Variants in PPP1R12A observed in about 807,000 individuals in gnomAD.
PPP1R12A encodes protein phosphatase 1 regulatory subunit 12A.
PPP1R12A carries 19 observed loss-of-function variants against 139.6 expected under a neutral mutation model. The observed-to-expected ratio is 0.14, with a 90% CI of 0.09 to 0.20. The LOEUF is 0.20. PPP1R12A is among the 10% of genes least tolerant of loss of function. PPP1R12A has a pLI of 1.00. For synonymous variants in PPP1R12A, 427 were observed against 420.6 expected, an observed-to-expected ratio of 1.02 and a Z score of -0.19; for missense variants, 925 against 1,211.5, an observed-to-expected ratio of 0.76 and a Z score of 3.51.
At chr12:79,836,578 T>C (rs1449967833) in intron 3 of PPP1R12A, among the ~76,000 whole-genome samples, 1 of 152,182 alleles carries the variant, frequency 6.6e-6, no homozygotes, top group African/African-American at 2.4e-5. Flanking sequence ...AGTGTAAAGT[T>C]AACGTGAAGG....
chr12:79,888,586 A>T (rs1884319539), intron 1 of PPP1R12A, among the ~76,000 whole-genome samples: 1 of 152,204 alleles, frequency 6.6e-6, no homozygotes, highest in African/African-American at 2.4e-5. Context: ...AATTATAAGA[A>T]GTTCTTCCTA....
rs1487927655 is a variant in PPP1R12A at position 79,773,958 on chromosome 12, T to C, written c.*1971A>G. ...TAAAATCAATATAGCACAGTAGCTG[T>C]TCAGTTTTAGATACAAAGAATAAAT... On this transcript the variant is annotated 3_prime_UTR_variant, in exon 25 of 25. Transcript: ENST00000450142. 1 of 152,224 alleles carries C rather than the reference T, an allele frequency of 6.6e-6. No individual in the cohort carries two copies. Among genetic ancestry groups the C allele is most frequent in the Non-Finnish European group, 1.5e-5 (1 of 68,030 alleles). 9.4% of individuals were successfully genotyped at this position (152,224 alleles called of 1,614,324 possible).
At chr12:79,933,903 C>A (rs759617830) in intron 1 of PPP1R12A, among the ~76,000 whole-genome samples, 5 of 152,046 alleles carry the variant, frequency 3.3e-5, no homozygotes, top group Admixed American at 6.6e-5. Context: ...AAAAGAGTGT[C>A]CCCTATTTAT....
chr12:79,777,451 C>A (rs1459994194), intron 24 of PPP1R12A: 1 of 985,094 alleles, frequency 1.0e-6, no homozygotes, highest in South Asian at 4.7e-5. Context: ...TGAGCTCTTA[C>A]AAAACACGCC....
chr12:79,786,276 C>T (rs1345738485), intron 22 of PPP1R12A, 98 bp downstream of exon 22: 1 of 682,844 alleles, frequency 1.5e-6, no homozygotes, highest in Non-Finnish European at 2.4e-6. Context: ...AATTATCAAA[C>T]TTCTATTTAG....
At chr12:79,867,476 AAAT>A (rs1322760695) in intron 2 of PPP1R12A, among the ~76,000 whole-genome samples, 3 of 152,060 alleles carry the variant, frequency 2.0e-5, no homozygotes, top group Admixed American at 1.3e-4. Context: ...AATACAAATA[AAAT>A]AAAATAGAAA....
At chr12:79,814,490 AAAAAAAAAAAG>A (rs1292608301) in intron 9 of PPP1R12A, among the ~76,000 whole-genome samples, 2 of 144,918 alleles carry the variant, frequency 1.4e-5, no homozygotes, top group Non-Finnish European at 3.0e-5. Context: ...AAAAAAAAAA[AAAAAAAAAAAG>A]GACTCCCCCT....
At chr12:79,814,333 C>T (rs920257990) in intron 9 of PPP1R12A, among the ~76,000 whole-genome samples, 11 of 151,156 alleles carry the variant, frequency 7.3e-5, no homozygotes, top group African/African-American at 2.7e-4. Flanking sequence ...AAAAATTAGC[C>T]AGGTGTGGTG....
At chr12:79,916,511 A>C (rs1887008739) in intron 1 of PPP1R12A, among the ~76,000 whole-genome samples, 1 of 152,208 alleles carries the variant, frequency 6.6e-6, no homozygotes, top group Admixed American at 6.5e-5. Flanking sequence ...TTAAAATTCT[A>C]AAACCCAAAT....
At chr12:79,911,249 C>A (rs745557883) in intron 1 of PPP1R12A, among the ~76,000 whole-genome samples, 1 of 152,166 alleles carries the variant, frequency 6.6e-6, no homozygotes, top group Non-Finnish European at 1.5e-5. Context: ...ACCCTCCAGG[C>A]GCAACACCCT....
chr12:79,866,906 T>C (rs1029077917), intron 2 of PPP1R12A, among the ~76,000 whole-genome samples: 2 of 152,170 alleles, frequency 1.3e-5, no homozygotes, highest in Admixed American at 6.5e-5. Context: ...TGGAAGACAG[T>C]GTGGCGATTC....
At chr12:79,895,192 C>A (rs1320627545) in intron 1 of PPP1R12A, among the ~76,000 whole-genome samples, 1 of 152,026 alleles carries the variant, frequency 6.6e-6, no homozygotes. Context: ...AGCCCATAGG[C>A]AAGTAATGTC....
intron 1 of PPP1R12A, among the ~76,000 whole-genome samples, chr12:79,904,559 C>G (rs925433770): frequency 2.6e-5 from 4 of 152,140 alleles, no homozygotes; most frequent in Non-Finnish European, 4.4e-5. Flanking sequence ...TATCATTTAA[C>G]AAGCTCTGAA....
chr12:79,928,927 T>C (rs1054596146), intron 1 of PPP1R12A, among the ~76,000 whole-genome samples: 1 of 152,248 alleles, frequency 6.6e-6, no homozygotes, highest in Non-Finnish European at 1.5e-5. Flanking sequence ...CTGTCTGTTT[T>C]GGAAAGTAAA....
chr12:79,890,951 ACT>A (rs150343086), intron 1 of PPP1R12A, among the ~76,000 whole-genome samples: 11 of 122,488 alleles, frequency 9.0e-5, no homozygotes, highest in African/African-American at 2.5e-4. Context: ...ACATTCACTC[ACT>A]CTCTCTCTCT....
Position 79,934,940 on chromosome 12 carries a change from C to T in PPP1R12A, c.-9G>A. On this transcript the variant is annotated 5_prime_UTR_variant, in exon 1 of 25. Transcript: ENST00000450142. Reference sequence around the variant, plus strand: ...GCGTCCGCCATCTTCATCCCCTCTCCTGCCGCCGGGTCTTCTTATCGCGAG... The same window carrying T: ...GCGTCCGCCATCTTCATCCCCTCTCTTGCCGCCGGGTCTTCTTATCGCGAG... The T allele has an allele frequency of 6.3e-7, 1 of 1,578,912 alleles. No homozygotes were observed. Among genetic ancestry groups the T allele is most frequent in the Middle Eastern group, 1.7e-4 (1 of 6,004 alleles).
intron 1 of PPP1R12A, among the ~76,000 whole-genome samples, chr12:79,877,880 C>T (rs1440256980): frequency 6.6e-6 from 1 of 152,072 alleles, no homozygotes; most frequent in African/African-American, 2.4e-5. Context: ...GGCTCCAAAA[C>T]TGTATCCTGA....
At chr12:79,912,236 CCTT>C (rs1291446338) in intron 1 of PPP1R12A, among the ~76,000 whole-genome samples, 1 of 152,166 alleles carries the variant, frequency 6.6e-6, no homozygotes, top group Non-Finnish European at 1.5e-5. Context: ...ACTCTCAAAA[CCTT>C]CTGTTCTTGT....
chr12:79,789,513 G>C (rs1871536828), intron 20 of PPP1R12A: 2 of 338,098 alleles, frequency 5.9e-6, no homozygotes, highest in African/African-American at 4.5e-5. Flanking sequence ...AAAGTGACAA[G>C]TAATGGGTTT....
Sources: gnomAD v4.1 joint callset for allele counts (sites outside exome capture counted in the v4.1 genomes callset) on GRCh38, gnomAD v4.1.1 for gene constraint, MANE v1.5 for transcripts, NCBI Gene and HGNC (gene_info 2026-07-23, HGNC 2026-07-21) for gene names.